Variants in CCSER1 observed in about 807,000 individuals in gnomAD.
The protein encoded by CCSER1 is coiled-coil serine rich protein 1, also known as serine-rich coiled-coil domain-containing protein 1.
CCSER1 carries 41 observed loss-of-function variants against 82.0 expected under a neutral mutation model. That is an observed-to-expected ratio of 0.50 (90% CI 0.39 to 0.65). The LOEUF is 0.65. CCSER1 is among the 30% of genes least tolerant of loss of function. The pLI is 0.00. For missense variants in CCSER1, 1,119 were observed against 1,064.2 expected (o/e 1.05, Z -0.72); for synonymous variants, 414 against 383.9 (o/e 1.08, Z -0.92).
chr4:90,591,403 A>G (rs1448188963), intron 5 of CCSER1, among the ~76,000 whole-genome samples: 3 of 152,180 alleles, frequency 2.0e-5, no homozygotes, highest in Middle Eastern at 3.2e-3. Flanking sequence ...TCAAAAGAAG[A>G]CATTGATGCG....
chr4:90,323,304 T>G (rs546472722), intron 3 of CCSER1, among the ~76,000 whole-genome samples: 148 of 152,200 alleles, frequency 9.7e-4, no homozygotes, highest in Non-Finnish European at 1.9e-3. Flanking sequence ...CCAAGTCCAG[T>G]GCAGAACTGG....
rs771267852 is a variant in CCSER1 at position 90,932,982 on chromosome 4, G to GAAAGAGAA, written c.2172+9536_2172+9537insAAGAGAAA. Among the ~76,000 whole-genome samples, 21 of 18,860 alleles carry GAAAGAGAA rather than the reference G, an allele frequency of 1.1e-3. 4 individuals carry two copies. Among genetic ancestry groups the GAAAGAGAA allele is most frequent in the East Asian group, 1.8e-3 (2 of 1,086 alleles). 12.4% of individuals were successfully genotyped at this position (18,860 alleles called of 152,430 possible). A position where few individuals can be genotyped will look rare whatever the true frequency, so the allele number is the denominator to read the frequency against. On this transcript the variant is annotated intron_variant, in intron 9 of 10. Transcript: ENST00000509176. ...AGAAAGAAAGAAAGAAAGAAAGAAA[G>GAAAGAGAA]AGAAAGAAAGAAAGAAAGAAAGAAA...
chr4:91,171,612 C>A (rs1732764676), intron 10 of CCSER1, among the ~76,000 whole-genome samples: 1 of 152,010 alleles, frequency 6.6e-6, no homozygotes, highest in South Asian at 2.1e-4. Context: ...ATTATAGTAC[C>A]CCAGGCCTCA....
At chr4:91,382,371 G>A (rs572137873) in intron 10 of CCSER1, among the ~76,000 whole-genome samples, 1 of 152,276 alleles carries the variant, frequency 6.6e-6, no homozygotes, top group Admixed American at 6.5e-5. Context: ...TGAGTTTCCT[G>A]GCTGCTTTGT....
chr4:90,931,801 G>A (rs1729858534), intron 9 of CCSER1, among the ~76,000 whole-genome samples: 1 of 152,128 alleles, frequency 6.6e-6, no homozygotes, highest in Non-Finnish European at 1.5e-5. Flanking sequence ...CCATCAAAAT[G>A]TTTTTCAGCT....
intron 9 of CCSER1, among the ~76,000 whole-genome samples, chr4:91,068,771 G>A (rs1352045057): frequency 1.3e-5 from 2 of 152,156 alleles, no homozygotes; most frequent in Non-Finnish European, 2.9e-5. Context: ...TAAAAGAAAA[G>A]CATTGAGACT....
intron 10 of CCSER1, among the ~76,000 whole-genome samples, chr4:91,423,860 C>T (rs1333074723): frequency 1.3e-5 from 2 of 152,032 alleles, no homozygotes; most frequent in Non-Finnish European, 2.9e-5. Context: ...TCAGAGGAGA[C>T]AGCAGGCAGA....
At chr4:90,349,637 T>C (rs984143350) in intron 3 of CCSER1, among the ~76,000 whole-genome samples, 4 of 152,162 alleles carry the variant, frequency 2.6e-5, no homozygotes, top group Non-Finnish European at 4.4e-5. Context: ...CATTTTCTTC[T>C]TTTCATACCA....
chr4:90,853,144 C>G lies in CCSER1; in HGVS notation c.2094+37299C>G, dbSNP rs530111604. Among the ~76,000 whole-genome samples, 5 of 152,216 alleles carry G rather than the reference C, an allele frequency of 3.3e-5. No homozygotes were observed. The East Asian group carries it at 9.7e-4, about 29-fold the overall frequency. On this transcript the variant is annotated intron_variant, in intron 8 of 10. Coordinates refer to ENST00000509176, the MANE Select transcript of CCSER1 (RefSeq NM_001145065.2). ...CATATAAAGATGTAGAGTCCTTCTT[C>G]TACCTCTGTTCATACCCTACTAATT... is the stretch of plus-strand genomic sequence containing the variant.
intron 6 of CCSER1, among the ~76,000 whole-genome samples, chr4:90,639,777 G>A (rs1202822194): frequency 6.6e-6 from 1 of 151,976 alleles, no homozygotes; most frequent in Non-Finnish European, 1.5e-5. Context: ...ATCAGGTGAA[G>A]GTTGAAATTC....
chr4:91,003,211 T>G (rs1738196217), intron 9 of CCSER1, among the ~76,000 whole-genome samples: 1 of 152,128 alleles, frequency 6.6e-6, no homozygotes, highest in Non-Finnish European at 1.5e-5. Context: ...GGTATTATTT[T>G]TGTACGAGTG....
chr4:90,227,173 C>A (rs1165659564), intron 1 of CCSER1, among the ~76,000 whole-genome samples: 3 of 152,164 alleles, frequency 2.0e-5, no homozygotes, highest in Admixed American at 2.0e-4. Flanking sequence ...TGCTTCTGAG[C>A]AAGGTACAGT....
chr4:90,506,893 G>T (rs1456753682), intron 5 of CCSER1, among the ~76,000 whole-genome samples: 1 of 152,036 alleles, frequency 6.6e-6, no homozygotes, highest in Non-Finnish European at 1.5e-5. Context: ...TGGACATCAG[G>T]TATTCTTTTT....
chr4:91,270,781 G>A (rs144908230), intron 10 of CCSER1, among the ~76,000 whole-genome samples: 1 of 152,108 alleles, frequency 6.6e-6, no homozygotes, highest in Non-Finnish European at 1.5e-5. Context: ...TGTGGTAATG[G>A]AAGGCTATTA....
chr4:90,800,306 T>C (rs1001368714), intron 7 of CCSER1, among the ~76,000 whole-genome samples: 13 of 152,190 alleles, frequency 8.5e-5, no homozygotes, highest in African/African-American at 2.7e-4. Flanking sequence ...TCTTACCATG[T>C]TGCCCAGGCT....
At chr4:91,538,968 C>A (rs2110190216) in intron 10 of CCSER1, among the ~76,000 whole-genome samples, 1 of 152,058 alleles carries the variant, frequency 6.6e-6, no homozygotes, top group East Asian at 1.9e-4. Context: ...AGCCCATTTA[C>A]CCTTGTTCTG....
At chr4:91,476,957 A>G (rs1482745344) in intron 10 of CCSER1, among the ~76,000 whole-genome samples, 1 of 151,796 alleles carries the variant, frequency 6.6e-6, no homozygotes, top group Non-Finnish European at 1.5e-5. Context: ...AAAGTATGAA[A>G]CTACTAGAAG....
rs147645378 is a variant in CCSER1, at chr4:91,488,161, ATTTG to A, written c.2218-110408_2218-110405del. 1.8e-3 allele frequency among the ~76,000 whole-genome samples: 281 copies of A among 152,266 alleles called. 5 individuals carry two copies. The East Asian group carries it at 0.032, about 17-fold the overall frequency. On this transcript the variant is annotated intron_variant, in intron 10 of 10. Coordinates refer to ENST00000509176, the MANE Select transcript of CCSER1 (RefSeq NM_001145065.2). ...GGTGTTCAATCAATATTTTCTATTT[ATTTG>A]TTCGCATAAGCGGTTATCCAAAAAT...
At chr4:90,960,231 G>A (rs1733930612) in intron 9 of CCSER1, among the ~76,000 whole-genome samples, 1 of 152,022 alleles carries the variant, frequency 6.6e-6, no homozygotes, top group African/African-American at 2.4e-5. Context: ...ACATCATGAA[G>A]CATAGTTCAA....
Sources: gnomAD v4.1 joint callset for allele counts (sites outside exome capture counted in the v4.1 genomes callset) on GRCh38, gnomAD v4.1.1 for gene constraint, MANE v1.5 for transcripts, NCBI Gene and HGNC (gene_info 2026-07-23, HGNC 2026-07-21) for gene names.